Variants in HIC2 observed in about 807,000 individuals in gnomAD.
HIC2 encodes the protein hypermethylated in cancer 2 protein.
A neutral mutation model predicts 39.5 loss-of-function variants in HIC2; 2 were observed. The observed-to-expected ratio is 0.05, with a 90% CI of 0.02 to 0.16. The LOEUF is 0.16. HIC2 is among the 10% of genes least tolerant of loss of function. The pLI, the probability that HIC2 is intolerant of heterozygous loss-of-function variation, is 1.00. For missense variants in HIC2, 713 were observed against 863.5 expected (o/e 0.83, Z 2.18); for synonymous variants, 399 against 368.8 (o/e 1.08, Z -0.94).
Position 21,445,561 on chromosome 22 carries a change from C to T in HIC2, c.666C>T (p.Gly222=), listed in dbSNP as rs554365948. ...QGLGRAVCPA[G]GEAGLGGCSS... ...TGGGCCGGGCTGTCTGCCCAGCTGG[C>T]GGGGAGGCGGGTCTGGGGGGCTGCA... Residue 222 remains glycine (G), a synonymous_variant, in exon 3 of 3, where the codon GGC becomes GGT. Transcript: ENST00000407464. 8.2e-4 allele frequency: 1,304 copies of T among 1,592,870 alleles called. 22 individuals are homozygous for T. The South Asian group carries it at 0.013, about 16-fold the overall frequency.
In HIC2 at chr22:21,445,068, G is replaced by A. The variant is rs1923724432; in HGVS notation, c.173G>A (p.Arg58Gln). The part of the protein sequence containing the change: ...VIIMVENSIF[R>Q]AHKNVLAASS... Reference sequence around the variant, plus strand: ...ATCATGGTGGAGAACTCCATCTTCCGGGCCCACAAGAACGTCCTAGCCGCC... The same window carrying A: ...ATCATGGTGGAGAACTCCATCTTCCAGGCCCACAAGAACGTCCTAGCCGCC... The change falls in exon 3 of 3, where the codon CGG becomes CAG. Residue 58 changes from arginine (R) to glutamine (Q), a missense_variant. Physicochemically the swap from Arg to Gln is conservative, Grantham distance 43. Transcript: ENST00000407464. 2 of 1,614,128 alleles carry A rather than the reference G, an allele frequency of 1.2e-6. No individual in the cohort carries two copies. The highest frequency in any genetic ancestry group is 1.7e-6 in the Non-Finnish European group (2 of 1,180,026).
rs1443534642 is a variant in HIC2 at position 21,447,954 on chromosome 22, T to G, written c.*1211T>G. The G allele has an allele frequency of 2.0e-4, 31 of 152,928 alleles. No homozygotes were observed. The highest frequency in any genetic ancestry group is 1.5e-5 in the Non-Finnish European group (1 of 68,044). 9.5% of individuals were successfully genotyped at this position (152,928 alleles called of 1,614,324 possible). On this transcript the variant is annotated 3_prime_UTR_variant, in exon 3 of 3. Coordinates refer to ENST00000407464, the MANE Select transcript of HIC2 (RefSeq NM_015094.3). ...GTTGGTGACTGGCAGTGGAAGCCCTTGACACTCTTGTTTTCCTTCGCTTAG... is the reference window on the plus strand; with the variant it reads ...GTTGGTGACTGGCAGTGGAAGCCCTGGACACTCTTGTTTTCCTTCGCTTAG...
In HIC2 at chr22:21,445,880, A is replaced by G; in HGVS notation, c.985A>G (p.Ser329Gly). Residue 329 changes from serine to glycine, a missense_variant, in exon 3 of 3, where the codon AGC (serine) becomes GGC (glycine). Transcript: ENST00000407464. ...GGCGCCTGGTGGGCAGCCTCGGAAG[A>G]GCCTCCGGCACTCCACTCGGAAGAA... ...LEAPGGQPRK[S>G]LRHSTRKKEW... The G allele has an allele frequency of 6.3e-7, 1 of 1,598,880 alleles. No homozygotes were observed.
At chr22:21,432,677 A>C (rs1025362588) in intron 1 of HIC2, among the ~76,000 whole-genome samples, 1 of 127,790 alleles carries the variant, frequency 7.8e-6, no homozygotes, top group African/African-American at 3.5e-5. Flanking sequence ...ACTCTGTCTC[A>C]AAAAAAAAAA....
intron 1 of HIC2, among the ~76,000 whole-genome samples, chr22:21,430,881 A>C (rs1348899332): frequency 1.8e-5 from 2 of 111,184 alleles, no homozygotes; most frequent in African/African-American, 3.9e-5. Flanking sequence ...AAAAAAAAAA[A>C]AACAAAGGTA....
intron 2 of HIC2, 103 bp from the exon 3 acceptor site, chr22:21,444,819 G>T: frequency 7.6e-7 from 1 of 1,310,206 alleles, no homozygotes; most frequent in South Asian, 1.4e-5. Flanking sequence ...CCTATGTGGG[G>T]TCAGTTCTGA....
At chr22:21,419,151 TG>T (rs531973128) in intron 1 of HIC2, among the ~76,000 whole-genome samples, 1,513 of 151,590 alleles carry the variant, frequency 1.0e-2, no homozygotes, top group Middle Eastern at 0.044. Context: ...GTCTGATACT[TG>T]GGGGCTGAAC....
chr22:21,446,383 G>T lies in HIC2; in HGVS notation c.1488G>T (p.Ala496=). ...EEAEDLSAPS[A]AYTAEPRPFK... ...CCGAGGACCTGTCAGCACCCAGTGC[G>T]GCCTACACGGCTGAGCCCCGGCCCT... Residue 496 remains alanine (A), a synonymous_variant, in exon 3 of 3, where the codon GCG becomes GCT. Coordinates refer to ENST00000407464, the MANE Select transcript of HIC2 (RefSeq NM_015094.3). The T allele has an allele frequency of 6.2e-7, 1 of 1,612,414 alleles. No homozygotes were observed.
In HIC2 at chr22:21,445,217, A is replaced by G. The variant is rs749634954; in HGVS notation, c.322A>G (p.Ser108Gly). The G allele has an allele frequency of 6.2e-7, 1 of 1,613,790 alleles. No homozygotes were observed. Among genetic ancestry groups the G allele is most frequent in the South Asian group, 1.1e-5 (1 of 91,088 alleles). Reference sequence around the variant, plus strand: ...CATCTACACAGGCAAGCTGCTGCCCAGCGACCAGCCAGCCGAGCCCAACTT... The same window carrying G: ...CATCTACACAGGCAAGCTGCTGCCCGGCGACCAGCCAGCCGAGCCCAACTT... ...DFIYTGKLLP[S>G]DQPAEPNFST... Residue 108 changes from serine to glycine, a missense_variant, in exon 3 of 3, where the codon AGC becomes GGC. Physicochemically the swap from Ser to Gly is moderately conservative, Grantham distance 56. Coordinates refer to ENST00000407464, the MANE Select transcript of HIC2 (RefSeq NM_015094.3).
At position 21,446,137 on chromosome 22, in the gene HIC2, C is replaced by T. The variant is rs758504680; in HGVS notation, c.1242C>T (p.Ser414=). The T allele has an allele frequency of 1.5e-5, 24 of 1,608,280 alleles. No homozygotes were observed. Among genetic ancestry groups the T allele is most frequent in the Middle Eastern group, 1.6e-4 (1 of 6,084 alleles). ...DASEDSAQSG[S]EGGSGHASAH... is the part of the protein sequence containing the mutation. ...GTGAAGACAGTGCGCAGAGCGGGAG[C>T]GAGGGGGGCAGCGGCCATGCCAGCG... Residue 414 remains serine, a synonymous_variant, in exon 3 of 3, where the codon AGC becomes AGT. Coordinates refer to ENST00000407464, the MANE Select transcript of HIC2 (RefSeq NM_015094.3).
Position 21,444,998 on chromosome 22 carries a change from C to G in HIC2, c.103C>G (p.Gln35Glu). ...LPSHSKQLLL[Q>E]LNQQRTKGFL... ...CAGCCACTCGAAGCAGCTCCTGCTG[C>G]AGCTGAACCAGCAGAGGACCAAGGG... Residue 35 changes from glutamine to glutamate, a missense_variant, in exon 3 of 3, where the codon CAG (glutamine) becomes GAG (glutamate). This residue lies in a region of HIC2 where 102 missense variants were observed against 187.1 expected (regional missense o/e 0.55). Transcript: ENST00000407464. The G allele has an allele frequency of 6.2e-7, 1 of 1,614,068 alleles. No individual in the cohort carries two copies. The highest frequency in any genetic ancestry group is 1.7e-5 in the Admixed American group (1 of 60,028).
intron 2 of HIC2, among the ~76,000 whole-genome samples, chr22:21,443,606 G>A (rs923057391): frequency 1.3e-5 from 2 of 152,278 alleles, no homozygotes; most frequent in South Asian, 2.1e-4. Flanking sequence ...CCGCTGCTCG[G>A]TTGTCCGTCA....
chr22:21,444,558 T>C (rs1164556755), intron 2 of HIC2, among the ~76,000 whole-genome samples: 1 of 151,958 alleles, frequency 6.6e-6, no homozygotes, highest in East Asian at 1.9e-4. Context: ...TTGGGTCCCC[T>C]TCTGGTCCCT....
chr22:21,446,776 T>G lies in HIC2; in HGVS notation c.*33T>G. 6.4e-7 allele frequency: 1 copy of G among 1,570,530 alleles called. No individual in the cohort carries two copies. The highest frequency in any genetic ancestry group is 1.8e-4 in the Middle Eastern group (1 of 5,530). On this transcript the variant is annotated 3_prime_UTR_variant, in exon 3 of 3. Transcript: ENST00000407464. The stretch of plus-strand genomic sequence containing the variant: ...AGACCCGCGGGCGCCCTCTGCCACC[T>G]TGCTCCCCGGGAACCCATGGAAGGA...
At chr22:21,444,307 G>A (rs1023274129) in intron 2 of HIC2, among the ~76,000 whole-genome samples, 1 of 152,262 alleles carries the variant, frequency 6.6e-6, no homozygotes, top group African/African-American at 2.4e-5. Flanking sequence ...CCAGGCTGGG[G>A]CAGCACTTGG....
In HIC2 at chr22:21,446,783, C is replaced by G; in HGVS notation, c.*40C>G. On this transcript the variant is annotated 3_prime_UTR_variant, in exon 3 of 3. Coordinates refer to ENST00000407464, the MANE Select transcript of HIC2 (RefSeq NM_015094.3). Reference sequence around the variant, plus strand: ...CGGGCGCCCTCTGCCACCTTGCTCCCCGGGAACCCATGGAAGGAGAAGCGA... The same window carrying G: ...CGGGCGCCCTCTGCCACCTTGCTCCGCGGGAACCCATGGAAGGAGAAGCGA... The G allele has an allele frequency of 6.4e-7, 1 of 1,566,382 alleles. No individual in the cohort carries two copies. Among genetic ancestry groups the G allele is most frequent in the Non-Finnish European group, 8.7e-7 (1 of 1,153,636 alleles).
Position 21,446,826 on chromosome 22 carries a change from G to T in HIC2, c.*83G>T. The stretch of plus-strand genomic sequence containing the variant: ...AGAAGCGAGGTGATGCAGCAGCAGG[G>T]GCAAGACCCTGGGTCCAGTGGAGGC... On this transcript the variant is annotated 3_prime_UTR_variant, in exon 3 of 3. Transcript: ENST00000407464. 1.3e-6 allele frequency: 2 copies of T among 1,517,420 alleles called. No individual in the cohort carries two copies. Among genetic ancestry groups the T allele is most frequent in the South Asian group, 2.6e-5 (2 of 76,978 alleles). 94.0% of individuals were successfully genotyped at this position (1,517,420 alleles called of 1,614,324 possible). A position where few individuals can be genotyped will look rare whatever the true frequency, so the allele number is the denominator to read the frequency against.
rs377617787 is a variant in HIC2 at position 21,445,845 on chromosome 22, G to A, written c.950G>A (p.Ser317Asn). ...DLEGAEDNHL[S>N]LLEAPGGQPR... Reference sequence around the variant, plus strand: ...GAGGGGGCCGAGGACAACCACCTGAGCCTGCTGGAGGCGCCTGGTGGGCAG... The same window carrying A: ...GAGGGGGCCGAGGACAACCACCTGAACCTGCTGGAGGCGCCTGGTGGGCAG... The change falls in exon 3 of 3, where the codon AGC becomes AAC. Residue 317 changes from serine to asparagine, a missense_variant. By Grantham distance (46) the Ser-to-Asn change is conservative (BLOSUM62 1). Transcript: ENST00000407464. 29 of 1,590,546 alleles carry A rather than the reference G, an allele frequency of 1.8e-5. No individual in the cohort carries two copies. In the African/African-American group the frequency reaches 3.8e-4, roughly 21 times the overall value.
chr22:21,448,482 C>CAGCTGA lies in HIC2; in HGVS notation c.*1745_*1750dup, dbSNP rs1246586067. ...TGATCTCAGTCCCACTGTCTTCAGC[C>CAGCTGA]AGCTGAAGCTGTGGGGCTGGGCTGG... On this transcript the variant is annotated 3_prime_UTR_variant, in exon 3 of 3. Transcript: ENST00000407464. 1.3e-5 allele frequency: 2 copies of CAGCTGA among 152,770 alleles called. No individual in the cohort carries two copies. The highest frequency in any genetic ancestry group is 2.9e-5 in the Non-Finnish European group (2 of 68,030). 9.5% of individuals were successfully genotyped at this position (152,770 alleles called of 1,614,324 possible).
Sources: allele counts gnomAD v4.1 joint callset (sites outside exome capture counted in the v4.1 genomes callset), GRCh38; gene constraint gnomAD v4.1.1; regional missense constraint gnomAD v4.1.1; transcripts MANE v1.5; gene names NCBI Gene and HGNC (gene_info 2026-07-23, HGNC 2026-07-21).